Variants in CACNA1C observed in about 807,000 individuals in gnomAD.
CACNA1C encodes the protein calcium voltage-gated channel subunit alpha1 C.
CACNA1C carries 30 observed loss-of-function variants against 229.0 expected under a neutral mutation model. The ratio of observed to expected loss-of-function variants is 0.13; its 90% CI spans 0.10 to 0.18. The LOEUF is 0.18. CACNA1C is among the 10% of genes least tolerant of loss of function. The pLI is 1.00. For missense variants in CACNA1C, 1,658 were observed against 2,845.0 expected (o/e 0.58, Z 9.49); for synonymous variants, 1,114 against 1,132.5 (o/e 0.98, Z 0.33).
chr12:2,051,382 C>G (rs1449357612), upstream of CACNA1C, among the ~76,000 whole-genome samples: 1 of 152,224 alleles, frequency 6.6e-6, no homozygotes. Context: ...TAGGTCACCA[C>G]AAGGACCATG....
At chr12:2,356,240 G>A (rs932790940) in intron 3 of CACNA1C, among the ~76,000 whole-genome samples, 3 of 152,190 alleles carry the variant, frequency 2.0e-5, no homozygotes, top group African/African-American at 7.2e-5. Context: ...TGCAAGCTGT[G>A]GCCTTGAGTG....
intron 3 of CACNA1C, among the ~76,000 whole-genome samples, chr12:2,128,845 C>T (rs149448145): frequency 3.9e-5 from 6 of 152,318 alleles, no homozygotes; most frequent in East Asian, 1.9e-4. Context: ...GATTATAGCA[C>T]GATGAGATGT....
chr12:2,365,062 C>T (rs1351256514), intron 3 of CACNA1C, among the ~76,000 whole-genome samples: 1 of 152,244 alleles, frequency 6.6e-6, no homozygotes, highest in Non-Finnish European at 1.5e-5. Context: ...ATTTACAAAG[C>T]ATTCCAGTCT....
chr12:2,364,365 A>G (rs919725500), intron 3 of CACNA1C, among the ~76,000 whole-genome samples: 3 of 152,198 alleles, frequency 2.0e-5, no homozygotes, highest in Non-Finnish European at 4.4e-5. Flanking sequence ...CTTGTTTGAA[A>G]GGTGCAGTGC....
chr12:2,381,659 A>G (rs1407289802), intron 3 of CACNA1C, among the ~76,000 whole-genome samples: 1 of 152,136 alleles, frequency 6.6e-6, no homozygotes, highest in Non-Finnish European at 1.5e-5. Flanking sequence ...CATTTCCACT[A>G]TTGGGCAGCC....
rs561302111 is a variant in CACNA1C, at chr12:2,647,406, C to G, written c.3913-1069C>G. Reference sequence around the variant, plus strand: ...GGCCAGTTTCCTCAGCTCCTACCCCCAAATGAGTTCAGCAGTCAGACCCGT... The same window carrying G: ...GGCCAGTTTCCTCAGCTCCTACCCCGAAATGAGTTCAGCAGTCAGACCCGT... On this transcript the variant is annotated intron_variant, in intron 30 of 46. Transcript: ENST00000399655. The surrounding 1 kb of genome is among the most constrained non-coding windows in gnomAD (Gnocchi z 4.2). 8.9e-4 allele frequency among the ~76,000 whole-genome samples: 136 copies of G among 152,358 alleles called. No homozygotes were observed. Among genetic ancestry groups the G allele is most frequent in the African/African-American group, 2.7e-3 (113 of 41,592 alleles).
intron 1 of CACNA1C, among the ~76,000 whole-genome samples, chr12:1,981,192 G>A (rs2036019506): frequency 6.6e-6 from 1 of 152,086 alleles, no homozygotes; most frequent in Non-Finnish European, 1.5e-5. Context: ...GAAGCTGAGC[G>A]GCTCCTAGGT....
intron 1 of CACNA1C, among the ~76,000 whole-genome samples, chr12:1,995,900 G>A (rs906603772): frequency 2.0e-5 from 3 of 152,108 alleles, no homozygotes; most frequent in Non-Finnish European, 4.4e-5. Flanking sequence ...TGAGGGGCTG[G>A]CCACCTCCAC....
rs905975383 is a variant in CACNA1C at position 2,410,483 on chromosome 12, C to G, written c.478-38493C>G. On this transcript the variant is annotated intron_variant, in intron 3 of 46. Coordinates refer to ENST00000399655, the MANE Select transcript of CACNA1C (RefSeq NM_000719.7). This position sits in a 1 kb window ranked among gnomAD's most constrained non-coding sequence, Gnocchi z 5.3. The stretch of plus-strand genomic sequence containing the variant: ...AAAGGACCATGATTTCCATGGATTA[C>G]TTTGTGCAAAGGATGCCAAAACCAA... Among the ~76,000 whole-genome samples, 19 of 152,234 alleles carry G rather than the reference C, an allele frequency of 1.2e-4. No homozygotes were observed. The highest frequency in any genetic ancestry group is 4.3e-4 in the African/African-American group (18 of 41,464).
At chr12:2,561,697 T>C (rs879455479) in intron 11 of CACNA1C, among the ~76,000 whole-genome samples, 1 of 152,200 alleles carries the variant, frequency 6.6e-6, no homozygotes, top group Middle Eastern at 3.4e-3. Flanking sequence ...GAAGGGCAGG[T>C]GGAGCTGGGG....
chr12:2,585,962 T>C lies in CACNA1C; in HGVS notation c.2530+58T>C. 9.1e-7 allele frequency: 1 copy of C among 1,103,934 alleles called. No individual in the cohort carries two copies. Among genetic ancestry groups the C allele is most frequent in the Non-Finnish European group, 1.3e-6 (1 of 763,528 alleles). 68.4% of individuals were successfully genotyped at this position (1,103,934 alleles called of 1,614,324 possible). A position where few individuals can be genotyped will look rare whatever the true frequency, so the allele number is the denominator to read the frequency against. ...AGATTGGGGGCAGAGATCTAAATTCTAAAGCCACGTGGGAGTGGCCATATA... is the reference window on the plus strand; with the variant it reads ...AGATTGGGGGCAGAGATCTAAATTCCAAAGCCACGTGGGAGTGGCCATATA... On this transcript the variant is annotated intron_variant, in intron 18 of 46. Transcript: ENST00000399655. This position sits in a 1 kb window ranked among gnomAD's most constrained non-coding sequence, Gnocchi z 4.1.
intron 9 of CACNA1C, among the ~76,000 whole-genome samples, chr12:2,526,620 T>G (rs2099818901): frequency 6.6e-6 from 1 of 152,230 alleles, no homozygotes; most frequent in Non-Finnish European, 1.5e-5. Context: ...ACACATGTGG[T>G]GCCATCCAGA....
intron 1 of CACNA1C, among the ~76,000 whole-genome samples, chr12:2,064,621 A>G (rs1307375180): frequency 2.6e-5 from 4 of 152,198 alleles, no homozygotes; most frequent in African/African-American, 9.6e-5. Flanking sequence ...GAAGAAAGGT[A>G]AACAGTCCGG....
chr12:2,381,189 C>T (rs1243137587), intron 3 of CACNA1C, among the ~76,000 whole-genome samples: 2 of 152,174 alleles, frequency 1.3e-5, no homozygotes, highest in East Asian at 3.8e-4. Context: ...TTAGATCAGG[C>T]TTCCAAGAGT....
At chr12:2,241,772 A>G (rs930004170) in intron 3 of CACNA1C, among the ~76,000 whole-genome samples, 1 of 152,232 alleles carries the variant, frequency 6.6e-6, no homozygotes, top group African/African-American at 2.4e-5. Flanking sequence ...ATGTGGCTGC[A>G]TCTGCCATAA....
At chr12:2,340,285 AT>A (rs1327030652) in intron 3 of CACNA1C, among the ~76,000 whole-genome samples, 2 of 152,254 alleles carry the variant, frequency 1.3e-5, no homozygotes, top group Admixed American at 6.5e-5. Context: ...GTGAAAAGTT[AT>A]GTTTTTTGCT....
chr12:2,138,707 A>G (rs967866241), intron 3 of CACNA1C, among the ~76,000 whole-genome samples: 1 of 151,078 alleles, frequency 6.6e-6, no homozygotes, highest in Non-Finnish European at 1.5e-5. Flanking sequence ...CCCTTCTGCC[A>G]TGAGTGGAAG....
chr12:2,426,483 G>A (rs1031438625), intron 3 of CACNA1C, among the ~76,000 whole-genome samples: 14 of 152,170 alleles, frequency 9.2e-5, no homozygotes, highest in Non-Finnish European at 1.6e-4. Context: ...TTACAGATAG[G>A]AAAGCCCAAG....
Position 2,646,717 on chromosome 12 carries a change from C to T in CACNA1C, c.3913-1758C>T, listed in dbSNP as rs966255317. 7.3e-5 allele frequency among the ~76,000 whole-genome samples: 11 copies of T among 151,582 alleles called. No homozygotes were observed. Among genetic ancestry groups the T allele is most frequent in the African/African-American group, 2.7e-4 (11 of 41,138 alleles). Reference sequence around the variant, plus strand: ...CACCAGAGCAAAAGGGGTTTAGGTGCTTTGCCAAGAAATTTCTTCTGTGCA... The same window carrying T: ...CACCAGAGCAAAAGGGGTTTAGGTGTTTTGCCAAGAAATTTCTTCTGTGCA... On this transcript the variant is annotated intron_variant, in intron 30 of 46. Transcript: ENST00000399655. This position sits in a 1 kb window ranked among gnomAD's most constrained non-coding sequence, Gnocchi z 4.6.
Sources: gnomAD v4.1 joint callset for allele counts (sites outside exome capture counted in the v4.1 genomes callset) on GRCh38, gnomAD v4.1.1 for gene constraint, Gnocchi (gnomAD v3.1) non-coding constraint, MANE v1.5 for transcripts, NCBI Gene and HGNC (gene_info 2026-07-23, HGNC 2026-07-21) for gene names.